ZPR1: variants seen among roughly 807,000 people sequenced by gnomAD.
ZPR1 encodes the protein ZPR1 zinc finger, also known as zinc finger protein ZPR1.
A neutral mutation model predicts 59.6 loss-of-function variants in ZPR1; 37 were observed. The ratio of observed to expected loss-of-function variants is 0.62; its 90% CI spans 0.48 to 0.82. The LOEUF (loss-of-function observed/expected upper bound fraction) is 0.82, where lower values mean the gene tolerates loss of function less well. ZPR1 is among the 40% of genes least tolerant of loss of function. The pLI, the probability that ZPR1 is intolerant of heterozygous loss-of-function variation, is 0.00. For synonymous variants in ZPR1, 191 were observed against 215.2 expected (o/e 0.89, Z 0.99); for missense variants, 527 against 579.9 (o/e 0.91, Z 0.94).
In ZPR1 at chr11:116,774,375, A is replaced by T. The variant is rs926996740; in HGVS notation, c.*4550T>A. ...TGAGAGAGAAGTTTTAGTGTTACTG[A>T]AATCACAGACTTCTGACAGAATTTG... On this transcript the variant is annotated 3_prime_UTR_variant, in exon 14 of 14. Transcript: ENST00000227322. 6.6e-6 allele frequency: 1 copy of T among 151,276 alleles called. No homozygotes were observed. The highest frequency in any genetic ancestry group is 1.5e-5 in the Non-Finnish European group (1 of 67,738). 9.4% of individuals were successfully genotyped at this position (151,276 alleles called of 1,614,324 possible).
rs1349514377 is a variant in ZPR1, at chr11:116,773,958, A to G, written c.*4967T>C. On this transcript the variant is annotated 3_prime_UTR_variant, in exon 14 of 14. Coordinates refer to ENST00000227322, the MANE Select transcript of ZPR1 (RefSeq NM_003904.5). ...TTAAGGAAGTTGCTCAACTTCACAT[A>G]GTCAGAACATGACTCTAGGGAGTAG... 6.6e-6 allele frequency: 1 copy of G among 152,248 alleles called. No homozygotes were observed. The highest frequency in any genetic ancestry group is 1.5e-5 in the Non-Finnish European group (1 of 68,042). 9.4% of individuals were successfully genotyped at this position (152,248 alleles called of 1,614,324 possible). A position where few individuals can be genotyped will look rare whatever the true frequency, so the allele number is the denominator to read the frequency against.
At position 116,777,659 on chromosome 11, in the gene ZPR1, C is replaced by T; in HGVS notation, c.*1266G>A. 1 of 80,084 alleles carries T rather than the reference C, an allele frequency of 1.2e-5. No individual in the cohort carries two copies. Among genetic ancestry groups the T allele is most frequent in the African/African-American group, 4.7e-5 (1 of 21,442 alleles). The allele number at this position is 80,084 out of a possible 1,614,324, so 5.0% of individuals were successfully genotyped here. On this transcript the variant is annotated 3_prime_UTR_variant, in exon 14 of 14. Coordinates refer to ENST00000227322, the MANE Select transcript of ZPR1 (RefSeq NM_003904.5). ...TGGGCAACAGCGCGAGACTCTGTCT[C>T]TACCAAAAAAAAAAAAAAAAAAAGT...
At chr11:116,780,083 A>T (rs1940784414) in intron 12 of ZPR1, among the ~76,000 whole-genome samples, 1 of 151,100 alleles carries the variant, frequency 6.6e-6, no homozygotes, top group Admixed American at 6.6e-5. Context: ...AAATAAATGA[A>T]AGTAAAGAAA....
At chr11:116,783,859 T>C (rs569955763) in intron 9 of ZPR1, among the ~76,000 whole-genome samples, 1 of 118,218 alleles carries the variant, frequency 8.5e-6, no homozygotes, top group Non-Finnish European at 1.6e-5. Context: ...TGAATTTACC[T>C]TAAAAAAAAA....
chr11:116,782,164 C>T lies in ZPR1; in HGVS notation c.1173G>A (p.Met391Ile), dbSNP rs372452497. The T allele has an allele frequency of 5.6e-6, 9 of 1,613,856 alleles. No individual in the cohort carries two copies. The African/African-American group carries it at 1.1e-4, about 19-fold the overall frequency. ...CTGGCCAGTGACCTCTTACCTGGTC[C>T]ATCTTCTGGCTAAACTCCTGTAGTC... ...TERLQEFSQKMDQIIEGNMKA... is the reference protein window; with the variant it reads ...TERLQEFSQKIDQIIEGNMKA... Residue 391 changes from methionine to isoleucine, a missense_variant, in exon 12 of 14, where the codon ATG becomes ATA. Physicochemically the swap from Met to Ile is conservative, Grantham distance 10. Coordinates refer to ENST00000227322, the MANE Select transcript of ZPR1 (RefSeq NM_003904.5).
intron 4 of ZPR1, among the ~76,000 whole-genome samples, 180 bp from the exon 5 acceptor site, chr11:116,786,062 G>T (rs919704521): frequency 1.3e-5 from 2 of 152,210 alleles, no homozygotes; most frequent in African/African-American, 4.8e-5. Context: ...GGTGGTGACA[G>T]GTGAGCCTCC....
Position 116,777,138 on chromosome 11 carries a change from G to A in ZPR1, c.*1787C>T, listed in dbSNP as rs906856748. 2.0e-5 allele frequency: 3 copies of A among 152,210 alleles called. No individual in the cohort carries two copies. The highest frequency in any genetic ancestry group is 7.2e-5 in the African/African-American group (3 of 41,430). 9.4% of individuals were successfully genotyped at this position (152,210 alleles called of 1,614,324 possible). A position where few individuals can be genotyped will look rare whatever the true frequency, so the allele number is the denominator to read the frequency against. On this transcript the variant is annotated 3_prime_UTR_variant, in exon 14 of 14. Coordinates refer to ENST00000227322, the MANE Select transcript of ZPR1 (RefSeq NM_003904.5). The stretch of plus-strand genomic sequence containing the variant: ...AGAAACAAATTTAGTAAGAGGGGAG[G>A]AGGCAAAGTGTCCAAATAAGAAATA...
chr11:116,784,265 C>T (rs1591309030), intron 9 of ZPR1, 113 bp downstream of exon 9: 1 of 1,092,982 alleles, frequency 9.1e-7, no homozygotes, highest in Non-Finnish European at 1.4e-6. Context: ...AGAAAAAGAC[C>T]CAAGCTACTC....
chr11:116,787,906 CA>C lies in ZPR1; in HGVS notation c.84del (p.Asp29IlefsTer24), dbSNP rs1034968307. 16 of 1,523,182 alleles carry C rather than the reference CA, an allele frequency of 1.1e-5. No individual in the cohort carries two copies. Among genetic ancestry groups the C allele is most frequent in the African/African-American group, 2.8e-5 (2 of 70,234 alleles). 94.4% of individuals were successfully genotyped at this position (1,523,182 alleles called of 1,614,324 possible). A position where few individuals can be genotyped will look rare whatever the true frequency, so the allele number is the denominator to read the frequency against. On this transcript the variant is annotated frameshift_variant, in exon 1 of 14. Coordinates refer to ENST00000227322, the MANE Select transcript of ZPR1 (RefSeq NM_003904.5). LOFTEE classifies it high-confidence loss of function. ...PSPAPAPPPA[P>X]DHLFRPISAE... The stretch of plus-strand genomic sequence containing the variant: ...GCGCTGATGGGCCGGAACAGGTGAT[CA>C]GGGGCAGGCGGCGGGGCCGGGGCGG...
At chr11:116,780,112 C>T (rs990740801) in intron 12 of ZPR1, among the ~76,000 whole-genome samples, 1 of 150,972 alleles carries the variant, frequency 6.6e-6, no homozygotes, top group African/African-American at 2.4e-5. Context: ...AAAAAAGAGG[C>T]TATGCCTGCC....
chr11:116,776,138 T>C lies in ZPR1; in HGVS notation c.*2787A>G, dbSNP rs1465993706. 1.3e-5 allele frequency: 2 copies of C among 152,296 alleles called. No homozygotes were observed. The highest frequency in any genetic ancestry group is 4.8e-5 in the African/African-American group (2 of 41,478). The allele number at this position is 152,296 out of a possible 1,614,324, so 9.4% of individuals were successfully genotyped here. A position where few individuals can be genotyped will look rare whatever the true frequency, so the allele number is the denominator to read the frequency against. On this transcript the variant is annotated 3_prime_UTR_variant, in exon 14 of 14. Transcript: ENST00000227322. ...GATGTACATTCAGTACCTACCTGTA[T>C]GTTCGTCCACACGTCTAATGACCGA...
At position 116,779,030 on chromosome 11, in the gene ZPR1, C is replaced by T. The variant is rs750874473; in HGVS notation, c.1275G>A (p.Glu425=). 6.2e-7 allele frequency: 1 copy of T among 1,614,230 alleles called. No homozygotes were observed. The highest frequency in any genetic ancestry group is 8.5e-7 in the Non-Finnish European group (1 of 1,180,052). Residue 425 remains glutamate (E), a synonymous_variant, in exon 14 of 14, where the codon GAG becomes GAA. Coordinates refer to ENST00000227322, the MANE Select transcript of ZPR1 (RefSeq NM_003904.5). The part of the protein sequence containing the change: ...QNVYAPEDDP[E]MKVERYKRTF... ...TGCGCTTGTAACGCTCCACCTTCAT[C>T]TCAGGATCATCTTCAGGCGCATACA... is the stretch of plus-strand genomic sequence containing the variant.
At chr11:116,786,051 G>A (rs562272124) in intron 4 of ZPR1, among the ~76,000 whole-genome samples, 169 bp from the exon 5 acceptor site, 5 of 152,278 alleles carry the variant, frequency 3.3e-5, no homozygotes, top group South Asian at 2.1e-4. Flanking sequence ...TGAAGTTGAC[G>A]GGTGGTGACA....
intron 12 of ZPR1, among the ~76,000 whole-genome samples, chr11:116,781,551 G>A (rs907784236): frequency 6.6e-6 from 1 of 152,208 alleles, no homozygotes; most frequent in Non-Finnish European, 1.5e-5. Context: ...TCCTAGAATC[G>A]TATTCCCAGC....
At position 116,784,851 on chromosome 11, in the gene ZPR1, A is replaced by G; in HGVS notation, c.820+4T>C. The G allele has an allele frequency of 6.2e-7, 1 of 1,614,188 alleles. No homozygotes were observed. The highest frequency in any genetic ancestry group is 8.5e-7 in the Non-Finnish European group (1 of 1,180,028). On this transcript the variant is annotated splice_donor_region_variant and intron_variant, in intron 8 of 13. Coordinates refer to ENST00000227322, the MANE Select transcript of ZPR1 (RefSeq NM_003904.5). The stretch of plus-strand genomic sequence containing the variant: ...GAGCAACCCAACTGCTTGGCAAAAG[A>G]TACGTACTAGCTTCATGTTGGTCTG...
Position 116,782,147 on chromosome 11 carries a change from T to G in ZPR1, c.1179+11A>C. Reference sequence around the variant, plus strand: ...AGGATTCTAAGTACTGACTGGCCAGTGACCTCTTACCTGGTCCATCTTCTG... The same window carrying G: ...AGGATTCTAAGTACTGACTGGCCAGGGACCTCTTACCTGGTCCATCTTCTG... On this transcript the variant is annotated intron_variant, in intron 12 of 13. Coordinates refer to ENST00000227322, the MANE Select transcript of ZPR1 (RefSeq NM_003904.5). 6.2e-7 allele frequency: 1 copy of G among 1,611,130 alleles called. No homozygotes were observed. The highest frequency in any genetic ancestry group is 8.5e-7 in the Non-Finnish European group (1 of 1,177,824).
Position 116,777,519 on chromosome 11 carries a change from T to G in ZPR1, c.*1406A>C, listed in dbSNP as rs1940739622. The G allele has an allele frequency of 1.3e-5, 2 of 152,096 alleles. 1 individual carries two copies. The highest frequency in any genetic ancestry group is 4.1e-4 in the South Asian group (2 of 4,836). 9.4% of individuals were successfully genotyped at this position (152,096 alleles called of 1,614,324 possible). Reference sequence around the variant, plus strand: ...CTACTAAAATACAAAAGAAATTAGCTGGGTGTGGCGGCGTGCGCCTGTAGT... The same window carrying G: ...CTACTAAAATACAAAAGAAATTAGCGGGGTGTGGCGGCGTGCGCCTGTAGT... On this transcript the variant is annotated 3_prime_UTR_variant, in exon 14 of 14. Coordinates refer to ENST00000227322, the MANE Select transcript of ZPR1 (RefSeq NM_003904.5).
rs1295331651 is a variant in ZPR1 at position 116,776,055 on chromosome 11, A to G, written c.*2870T>C. The G allele has an allele frequency of 2.6e-5, 4 of 152,242 alleles. No individual in the cohort carries two copies. Among genetic ancestry groups the G allele is most frequent in the African/African-American group, 9.6e-5 (4 of 41,452 alleles). 9.4% of individuals were successfully genotyped at this position (152,242 alleles called of 1,614,324 possible). A position where few individuals can be genotyped will look rare whatever the true frequency, so the allele number is the denominator to read the frequency against. ...TTAAAGTTTTCAGTTGGCCAAGTCAACTGCCCTTCATACTTGCTCCCAACA... is the reference window on the plus strand; with the variant it reads ...TTAAAGTTTTCAGTTGGCCAAGTCAGCTGCCCTTCATACTTGCTCCCAACA... On this transcript the variant is annotated 3_prime_UTR_variant, in exon 14 of 14. Coordinates refer to ENST00000227322, the MANE Select transcript of ZPR1 (RefSeq NM_003904.5).
At position 116,781,597 on chromosome 11, in the gene ZPR1, A is replaced by G. The variant is rs558245660; in HGVS notation, c.1179+561T>C. ...TCTAGTGTGATAACAGAATAAAGAC[A>G]TGTTCAGATGTGGAAGGTCCCAGAA... On this transcript the variant is annotated intron_variant, in intron 12 of 13. Coordinates refer to ENST00000227322, the MANE Select transcript of ZPR1 (RefSeq NM_003904.5). Among the ~76,000 whole-genome samples, 3 of 152,366 alleles carry G rather than the reference A, an allele frequency of 2.0e-5. No homozygotes were observed. In the East Asian group the frequency reaches 5.8e-4, roughly 29 times the overall value.
Sources: gnomAD v4.1 joint callset for allele counts (sites outside exome capture counted in the v4.1 genomes callset) on GRCh38, gnomAD v4.1.1 for gene constraint, MANE v1.5 for transcripts, NCBI Gene and HGNC (gene_info 2026-07-23, HGNC 2026-07-21) for gene names.